The following HOOK1 variants were observed in gnomAD, a reference collection of about 807,000 sequenced individuals.
HOOK1 encodes the protein protein Hook homolog 1.
A neutral mutation model predicts 112.8 loss-of-function variants in HOOK1; 60 were observed. That is an observed-to-expected ratio of 0.53 (90% CI 0.43 to 0.66). The LOEUF is 0.66. Among genes scored for constraint, HOOK1 ranks in the 30% least tolerant of loss-of-function variants. The pLI is 0.00. For synonymous variants in HOOK1, 294 were observed against 283.8 expected, an observed-to-expected ratio of 1.04 and a Z score of -0.36; for missense variants, 770 against 856.0, an observed-to-expected ratio of 0.90 and a Z score of 1.25.
At position 59,848,376 on chromosome 1, in the gene HOOK1, C is replaced by G; in HGVS notation, c.991C>G (p.Gln331Glu). 1 of 1,611,230 alleles carries G rather than the reference C, an allele frequency of 6.2e-7. No homozygotes were observed. Among genetic ancestry groups the G allele is most frequent in the African/African-American group, 1.3e-5 (1 of 74,864 alleles). ...AGTTGAGATATATCGTCAGAAGCTA[C>G]AAGATCTGAATGACCTTCGCAAGCA... Reference protein sequence around the residue: ...STVEIYRQKLQDLNDLRKQVK... With the variant: ...STVEIYRQKLEDLNDLRKQVK... The change falls in exon 11 of 22, where the codon CAA becomes GAA. Residue 331 changes from glutamine to glutamate, a missense_variant. By Grantham distance (29) the Gln-to-Glu change is conservative. Around this residue, in one of 3 missense-constraint regions of HOOK1, gnomAD observed 655 missense variants for 725.9 expected, o/e 0.90. Coordinates refer to ENST00000371208, the MANE Select transcript of HOOK1 (RefSeq NM_015888.6).
At chr1:59,834,566 A>G (rs904159833) in intron 5 of HOOK1, among the ~76,000 whole-genome samples, 3 of 152,180 alleles carry the variant, frequency 2.0e-5, no homozygotes, top group Non-Finnish European at 4.4e-5. Context: ...TTTTCATAAA[A>G]GCAGGGACAT....
intron 7 of HOOK1, 37 bp downstream of exon 7, chr1:59,836,972 A>G: frequency 1.5e-6 from 2 of 1,315,240 alleles, no homozygotes; most frequent in Non-Finnish European, 2.2e-6. Context: ...TGTTGAAAGC[A>G]ATGTTAGGGT....
intron 8 of HOOK1, among the ~76,000 whole-genome samples, chr1:59,840,900 G>T: frequency 6.6e-6 from 1 of 152,024 alleles, no homozygotes; most frequent in East Asian, 1.9e-4. Flanking sequence ...AATGAACTTG[G>T]CATGAGCAAC....
At chr1:59,853,990 C>T (rs2098408647) in intron 12 of HOOK1, among the ~76,000 whole-genome samples, 1 of 96,662 alleles carries the variant, frequency 1.0e-5, no homozygotes, top group East Asian at 3.5e-4. Flanking sequence ...GTTAAAAATA[C>T]ATTAATCTTA....
At position 59,874,564 on chromosome 1, in the gene HOOK1, C is replaced by G. The variant is rs1644106060; in HGVS notation, c.*1599C>G. ...TAGTAAATGTCTTAGGCTTTGTGGC[C>G]TACATGATCTTTGTTGCAAGTACTC... On this transcript the variant is annotated 3_prime_UTR_variant, in exon 22 of 22. Transcript: ENST00000371208. The G allele has an allele frequency of 1.3e-5, 2 of 152,056 alleles. No homozygotes were observed. Among genetic ancestry groups the G allele is most frequent in the Non-Finnish European group, 2.9e-5 (2 of 67,986 alleles). 9.4% of individuals were successfully genotyped at this position (152,056 alleles called of 1,614,324 possible).
chr1:59,818,151 A>C (rs2098382943), intron 1 of HOOK1, among the ~76,000 whole-genome samples: 1 of 152,226 alleles, frequency 6.6e-6, no homozygotes, highest in South Asian at 2.1e-4. Flanking sequence ...ACTAGTAGTA[A>C]AACAAATGGT....
chr1:59,844,176 A>G (rs1025609120), intron 9 of HOOK1, among the ~76,000 whole-genome samples: 2 of 151,984 alleles, frequency 1.3e-5, no homozygotes, highest in African/African-American at 4.8e-5. Context: ...ACTACAAGGA[A>G]CTTCTTTACA....
At chr1:59,862,977 T>G (rs1408656070) in intron 16 of HOOK1, 100 bp downstream of exon 16, 1 of 683,842 alleles carries the variant, frequency 1.5e-6, no homozygotes, top group Admixed American at 2.3e-5. Context: ...ACAGCCCTTA[T>G]CATTGAGAAT....
chr1:59,859,370 T>C (rs2098412371), intron 14 of HOOK1, among the ~76,000 whole-genome samples: 1 of 152,060 alleles, frequency 6.6e-6, no homozygotes, highest in Non-Finnish European at 1.5e-5. Flanking sequence ...AAAACAAAAA[T>C]CAATATGATT....
Position 59,814,987 on chromosome 1 carries a change from T to G in HOOK1, c.-131T>G, listed in dbSNP as rs1574163063. 137 of 877,736 alleles carry G rather than the reference T, an allele frequency of 1.6e-4. No individual in the cohort carries two copies. Among genetic ancestry groups the G allele is most frequent in the Non-Finnish European group, 2.2e-4 (124 of 571,608 alleles). 54.4% of individuals were successfully genotyped at this position (877,736 alleles called of 1,614,324 possible). ...CGTCGACAGCGCGAGGGTTCGCGCG[T>G]GAGCTGCGCGGGTCGGGCCTGGTAC... On this transcript the variant is annotated 5_prime_UTR_variant, in exon 1 of 22. Coordinates refer to ENST00000371208, the MANE Select transcript of HOOK1 (RefSeq NM_015888.6).
In HOOK1 at chr1:59,873,611, A is replaced by G. The variant is rs1231179181; in HGVS notation, c.*646A>G. On this transcript the variant is annotated 3_prime_UTR_variant, in exon 22 of 22. Transcript: ENST00000371208. ...TTGCATATTCTGAAAATCTAATCTC[A>G]TAGTTCTAATTTGTACCTATGGCAA... is the stretch of plus-strand genomic sequence containing the variant. 2 of 151,294 alleles carry G rather than the reference A, an allele frequency of 1.3e-5. No homozygotes were observed. Among genetic ancestry groups the G allele is most frequent in the East Asian group, 3.9e-4 (2 of 5,172 alleles). The allele number at this position is 151,294 out of a possible 1,614,324, so 9.4% of individuals were successfully genotyped here.
Position 59,834,863 on chromosome 1 carries a change from G to A in HOOK1, c.407-482G>A, listed in dbSNP as rs72921695. On this transcript the variant is annotated intron_variant, in intron 5 of 21. Transcript: ENST00000371208. ...TTTGTTGTCCTCTTTTATCTCATAC[G>A]TTTTTCTTGTGAATTAATCAGCTGT... Among the ~76,000 whole-genome samples, 680 of 151,730 alleles carry A rather than the reference G, an allele frequency of 4.5e-3. 4 individuals carry two copies. Among genetic ancestry groups the A allele is most frequent in the African/African-American group, 0.015 (636 of 41,396 alleles).
rs566368297 is a variant in HOOK1, at chr1:59,849,502, C to T, written c.1242+319C>T. Among the ~76,000 whole-genome samples, 62 of 151,554 alleles carry T rather than the reference C, an allele frequency of 4.1e-4. No individual in the cohort carries two copies. In the South Asian group the frequency reaches 0.013, roughly 31 times the overall value. Reference sequence around the variant, plus strand: ...CTTTATTAAGATTTAATTTACTTACCGTAAATTTCACCTAAGGTGGTTTTC... The same window carrying T: ...CTTTATTAAGATTTAATTTACTTACTGTAAATTTCACCTAAGGTGGTTTTC... On this transcript the variant is annotated intron_variant, in intron 12 of 21. Coordinates refer to ENST00000371208, the MANE Select transcript of HOOK1 (RefSeq NM_015888.6).
intron 1 of HOOK1, 155 bp downstream of exon 1, chr1:59,815,335 T>G: frequency 1.5e-6 from 1 of 684,112 alleles, no homozygotes; most frequent in Non-Finnish European, 2.4e-6. Flanking sequence ...GAATGCCACC[T>G]GCGGGTCGAC....
chr1:59,871,191 T>C lies in HOOK1; in HGVS notation c.2016+81T>C, dbSNP rs1644050471. The C allele has an allele frequency of 6.7e-6, 6 of 893,468 alleles. No homozygotes were observed. In the South Asian group the frequency reaches 7.6e-5, roughly 11 times the overall value. 55.3% of individuals were successfully genotyped at this position (893,468 alleles called of 1,614,324 possible). A position where few individuals can be genotyped will look rare whatever the true frequency, so the allele number is the denominator to read the frequency against. ...TTTGACCAAGTACAACATAAGAAAA[T>C]ATATTTTATCTTATACCATAAACCA... On this transcript the variant is annotated intron_variant, in intron 21 of 21. Coordinates refer to ENST00000371208, the MANE Select transcript of HOOK1 (RefSeq NM_015888.6).
intron 19 of HOOK1, 130 bp from the exon 20 acceptor site, chr1:59,868,120 G>A (rs926381124): frequency 3.4e-6 from 2 of 586,028 alleles, no homozygotes; most frequent in Non-Finnish European, 6.1e-6. Context: ...TGTAAAACAA[G>A]CTACAGTTAG....
At chr1:59,854,025 TATATATATATA>T (rs2098408882) in intron 12 of HOOK1, among the ~76,000 whole-genome samples, 3 of 27,770 alleles carry the variant, frequency 1.1e-4, no homozygotes, top group African/African-American at 4.7e-4. Context: ...TATATATATA[TATATATATATA>T]TATTTTTTTT....
chr1:59,864,298 T>C (rs1178281255), intron 16 of HOOK1, among the ~76,000 whole-genome samples: 2 of 152,014 alleles, frequency 1.3e-5, no homozygotes, highest in African/African-American at 4.8e-5. Context: ...AATATTTTAA[T>C]GTTTGATACT....
intron 11 of HOOK1, 22 bp downstream of exon 11, chr1:59,848,538 A>G (rs778076296): frequency 2.0e-6 from 3 of 1,502,680 alleles, no homozygotes; most frequent in Non-Finnish European, 2.8e-6. Context: ...CTTAATTTTT[A>G]ATTGATAAAA....
Sources: gnomAD v4.1 joint callset for allele counts (sites outside exome capture counted in the v4.1 genomes callset) on GRCh38, gnomAD v4.1.1 for gene constraint, gnomAD v4.1.1 regional missense constraint, MANE v1.5 for transcripts, NCBI Gene and HGNC (gene_info 2026-07-23, HGNC 2026-07-21) for gene names.